Variants in FAM221B observed in about 807,000 individuals in gnomAD.
FAM221B encodes the protein protein FAM221B.
FAM221B carries 35 observed loss-of-function variants against 39.8 expected under a neutral mutation model. The observed-to-expected ratio is 0.88, with a 90% CI of 0.67 to 1.17. The LOEUF is 1.17. FAM221B is among the 50% of genes most tolerant of loss of function. The pLI, the probability that FAM221B is intolerant of heterozygous loss-of-function variation, is 0.00. For synonymous variants in FAM221B, 158 were observed against 178.1 expected (o/e 0.89, Z 0.90); for missense variants, 479 against 503.1 (o/e 0.95, Z 0.46).
chr9:35,825,450 T>C lies in FAM221B; in HGVS notation c.599-77A>G. The C allele has an allele frequency of 6.3e-7, 1 of 1,598,508 alleles. No homozygotes were observed. Among genetic ancestry groups the C allele is most frequent in the South Asian group, 1.1e-5 (1 of 89,898 alleles). ...TAAGAGAAGGGGCCATGTCCAAGAG[T>C]AACCCAGTCTCCTCCTCCTGGGGCA... On this transcript the variant is annotated intron_variant, in intron 2 of 6. Coordinates refer to ENST00000423537, the MANE Select transcript of FAM221B (RefSeq NM_001012446.4). This position sits in a 1 kb window ranked among gnomAD's most constrained non-coding sequence, Gnocchi z 4.2.
intron 1 of FAM221B, among the ~76,000 whole-genome samples, chr9:35,826,488 G>A (rs1829368743): frequency 6.6e-6 from 1 of 152,170 alleles, no homozygotes; most frequent in South Asian, 2.1e-4. Context: ...CACCACTTGG[G>A]CAGTCCAAGA....
At position 35,828,329 on chromosome 9, in the gene FAM221B, A is replaced by ACT; in HGVS notation, c.-1+133_-1+134insAG. On this transcript the variant is annotated intron_variant, in intron 1 of 6. Coordinates refer to ENST00000423537, the MANE Select transcript of FAM221B (RefSeq NM_001012446.4). This position sits in a 1 kb window ranked among gnomAD's most constrained non-coding sequence, Gnocchi z 4.5. ...CAACAACAACAACAACAACAACAACAACAACTACTACTACTACTACTACTA... is the reference window on the plus strand; with the variant it reads ...CAACAACAACAACAACAACAACAACACTACAACTACTACTACTACTACTACTA... 1 of 139,158 alleles carries ACT rather than the reference A, an allele frequency of 7.2e-6. No homozygotes were observed. Among genetic ancestry groups the ACT allele is most frequent in the South Asian group, 2.4e-4 (1 of 4,222 alleles). 8.6% of individuals were successfully genotyped at this position (139,158 alleles called of 1,614,324 possible). A position where few individuals can be genotyped will look rare whatever the true frequency, so the allele number is the denominator to read the frequency against.
chr9:35,819,297 T>G lies in FAM221B; in HGVS notation c.951A>C (p.Arg317Ser). The change falls in exon 5 of 7, where the codon AGA becomes AGC. Residue 317 changes from arginine to serine, a missense_variant. Transcript: ENST00000423537. ...PEEVGEFWLK[R>S]RATFDPKAWR... ...AGGCCTTGGGGTCAAAGGTGGCCCG[T>G]CTCTTGAGCCAGAACTCACCCACCT... is the stretch of plus-strand genomic sequence containing the variant. The G allele has an allele frequency of 6.4e-7, 1 of 1,551,634 alleles. No individual in the cohort carries two copies. Among genetic ancestry groups the G allele is most frequent in the African/African-American group, 1.4e-5 (1 of 73,138 alleles).
chr9:35,823,053 A>G (rs1413007643), intron 3 of FAM221B, among the ~76,000 whole-genome samples: 1 of 152,162 alleles, frequency 6.6e-6, no homozygotes, highest in Non-Finnish European at 1.5e-5. Context: ...GGCATAGTGC[A>G]TTGCTATAGA....
rs544394592 is a variant in FAM221B at position 35,825,006 on chromosome 9, G to A, written c.742+224C>T. ...GACCCTTCTGTGTTTAATAATTTTA[G>A]TTCAGCTACCTGTCTCTACCTGGGC... On this transcript the variant is annotated intron_variant, in intron 3 of 6. Transcript: ENST00000423537. The surrounding 1 kb of genome is among the most constrained non-coding windows in gnomAD (Gnocchi z 4.2). Among the ~76,000 whole-genome samples the A allele has an allele frequency of 1.4e-4, 22 of 152,286 alleles. No individual in the cohort carries two copies. The highest frequency in any genetic ancestry group is 3.3e-4 in the Admixed American group (5 of 15,296).
chr9:35,818,179 T>C lies in FAM221B; in HGVS notation c.*290A>G. 2.2e-6 allele frequency: 1 copy of C among 445,744 alleles called. No individual in the cohort carries two copies. The highest frequency in any genetic ancestry group is 4.1e-6 in the Non-Finnish European group (1 of 243,462). The allele number at this position is 445,744 out of a possible 1,614,324, so 27.6% of individuals were successfully genotyped here. A position where few individuals can be genotyped will look rare whatever the true frequency, so the allele number is the denominator to read the frequency against. On this transcript the variant is annotated 3_prime_UTR_variant, in exon 7 of 7. Transcript: ENST00000423537. ...TCTAATTGCAAAACCCAATGGACAC[T>C]TTTCAGTCTTTATCTTATTGGTGCC...
At chr9:35,821,613 G>A (rs1829153045) in intron 3 of FAM221B, 1 of 1,367,624 alleles carries the variant, frequency 7.3e-7, no homozygotes, top group Non-Finnish European at 9.8e-7. Flanking sequence ...TCCACTAGAG[G>A]AGTTCCGAAT....
chr9:35,819,825 C>T (rs538153827), intron 4 of FAM221B, 65 bp downstream of exon 4: 5 of 1,326,314 alleles, frequency 3.8e-6, no homozygotes, highest in Non-Finnish European at 5.4e-6. Flanking sequence ...TCTCATACTT[C>T]CCAAGACATG....
chr9:35,824,479 C>T (rs1000681310), intron 3 of FAM221B, among the ~76,000 whole-genome samples: 4 of 152,092 alleles, frequency 2.6e-5, no homozygotes, highest in African/African-American at 7.2e-5. Flanking sequence ...TTTGGGTACC[C>T]AGCATGGGCC....
In FAM221B at chr9:35,825,834, G is replaced by T. The variant is rs777687946; in HGVS notation, c.328C>A (p.Pro110Thr). 1.9e-6 allele frequency: 3 copies of T among 1,614,048 alleles called. No homozygotes were observed. In the South Asian group the frequency reaches 3.3e-5, roughly 18 times the overall value. ...AGACAGACATAGTCTCGTGATTGGGGAGGAAGAGTAAGGTGTTTCTCTGGC... is the reference window on the plus strand; with the variant it reads ...AGACAGACATAGTCTCGTGATTGGGTAGGAAGAGTAAGGTGTTTCTCTGGC... ...VVPEKHLTLP[P>T]QSRDYVCLSS... Residue 110 changes from proline (P) to threonine (T), a missense_variant, in exon 2 of 7, where the codon CCC becomes ACC. By Grantham distance (38) the Pro-to-Thr change is conservative. Transcript: ENST00000423537. The surrounding 1 kb of genome is among the most constrained non-coding windows in gnomAD (Gnocchi z 4.2).
In FAM221B at chr9:35,821,330, C is replaced by G. The variant is rs943505147; in HGVS notation, c.743-1330G>C. 9.0e-6 allele frequency: 7 copies of G among 776,368 alleles called. No homozygotes were observed. The South Asian group carries it at 1.1e-4, about 12-fold the overall frequency. 48.1% of individuals were successfully genotyped at this position (776,368 alleles called of 1,614,324 possible). ...GAGAGAGCCAGTATTCAGGCATAAC[C>G]CTGAGGTTCCATAACATGAATAAGG... is the stretch of plus-strand genomic sequence containing the variant. On this transcript the variant is annotated intron_variant, in intron 3 of 6. Coordinates refer to ENST00000423537, the MANE Select transcript of FAM221B (RefSeq NM_001012446.4).
Position 35,828,123 on chromosome 9 carries a change from C to A in FAM221B, c.-1+340G>T, listed in dbSNP as rs1197806649. ...CCTGGCCAACATGGTGAAACCCAGT[C>A]TCTACTAAAAATACAAAAATTAGCT... On this transcript the variant is annotated intron_variant, in intron 1 of 6. Transcript: ENST00000423537. This position sits in a 1 kb window ranked among gnomAD's most constrained non-coding sequence, Gnocchi z 4.5. 6.6e-6 allele frequency among the ~76,000 whole-genome samples: 1 copy of A among 152,064 alleles called. No homozygotes were observed. Among genetic ancestry groups the A allele is most frequent in the African/African-American group, 2.4e-5 (1 of 41,398 alleles).
chr9:35,822,217 C>T (rs931092252), intron 3 of FAM221B, among the ~76,000 whole-genome samples: 41 of 152,132 alleles, frequency 2.7e-4, no homozygotes, highest in Admixed American at 2.4e-3. Flanking sequence ...GTCCTCTGTT[C>T]ATCCAACACA....
chr9:35,821,736 G>A (rs1161627159), intron 3 of FAM221B: 3 of 590,334 alleles, frequency 5.1e-6, no homozygotes, highest in Non-Finnish European at 8.3e-6. Flanking sequence ...AGGAATCAGT[G>A]CCCAGCATTC....
intron 3 of FAM221B, 87 bp from the exon 4 acceptor site, chr9:35,820,087 G>T: frequency 1.1e-6 from 1 of 916,384 alleles, no homozygotes; most frequent in East Asian, 2.5e-5. Flanking sequence ...GAGGTGAGGG[G>T]GTGGGGGGAA....
intron 3 of FAM221B, among the ~76,000 whole-genome samples, chr9:35,822,911 A>G (rs570213311): frequency 3.5e-4 from 53 of 152,288 alleles, no homozygotes; most frequent in African/African-American, 1.2e-3. Flanking sequence ...TTATTGTCCT[A>G]CTTAAAACCT....
Position 35,826,151 on chromosome 9 carries a change from T to C in FAM221B, c.11A>G (p.His4Arg), listed in dbSNP as rs764953442. MEA[H>R]EIIEEPHITM... ...GATATGAGGCTCTTCTATGATCTCA[T>C]GTGCTTCCATCTAGTGGTAGAACAG... The change falls in exon 2 of 7, where the codon CAT becomes CGT. Residue 4 changes from histidine (H) to arginine (R), a missense_variant. Coordinates refer to ENST00000423537, the MANE Select transcript of FAM221B (RefSeq NM_001012446.4). 6 of 1,584,238 alleles carry C rather than the reference T, an allele frequency of 3.8e-6. No individual in the cohort carries two copies. The highest frequency in any genetic ancestry group is 2.2e-5 in the East Asian group (1 of 44,812).
chr9:35,821,546 C>G, intron 3 of FAM221B: 1 of 1,367,902 alleles, frequency 7.3e-7, no homozygotes, highest in Non-Finnish European at 9.8e-7. Context: ...ACCAGGGAGG[C>G]TTTGTTGAGA....
Position 35,823,857 on chromosome 9 carries a change from G to A in FAM221B, c.742+1373C>T, listed in dbSNP as rs371235339. Among the ~76,000 whole-genome samples, 599 of 152,092 alleles carry A rather than the reference G, an allele frequency of 3.9e-3. 4 individuals are homozygous for A. Among genetic ancestry groups the A allele is most frequent in the Non-Finnish European group, 6.4e-3 (434 of 67,992 alleles). ...TTTTATTTTATTTTTGTAGAGATAG[G>A]GTCTCACTGTCTTGTCCTCACTGTC... On this transcript the variant is annotated intron_variant, in intron 3 of 6. Transcript: ENST00000423537.
Sources: allele counts gnomAD v4.1 joint callset (sites outside exome capture counted in the v4.1 genomes callset), GRCh38; gene constraint gnomAD v4.1.1; non-coding constraint Gnocchi (gnomAD v3.1); transcripts MANE v1.5; gene names NCBI Gene and HGNC (gene_info 2026-07-23, HGNC 2026-07-21).